The following DVL3 variants were observed in gnomAD, a reference collection of about 807,000 sequenced individuals.
DVL3 encodes segment polarity protein dishevelled homolog DVL-3.
In DVL3, 27 loss-of-function variants were observed where a neutral mutation model predicts 67.4. That is an observed-to-expected ratio of 0.40 (90% CI 0.30 to 0.55). The LOEUF (loss-of-function observed/expected upper bound fraction) is 0.55, where lower values mean the gene tolerates loss of function less well. DVL3 is among the 20% of genes least tolerant of loss of function. The probability of loss-of-function intolerance (pLI) is 0.46; values close to 1 mark genes in which losing one functional copy is unlikely to be tolerated. For synonymous variants in DVL3, 369 were observed against 396.8 expected (o/e 0.93, Z 0.83); for missense variants, 819 against 1,021.5 (o/e 0.80, Z 2.70).
In DVL3 at chr3:184,164,753, G is replaced by A. The variant is rs1287524521; in HGVS notation, c.464-43G>A. 2 of 1,613,624 alleles carry A rather than the reference G, an allele frequency of 1.2e-6. No individual in the cohort carries two copies. The highest frequency in any genetic ancestry group is 1.7e-6 in the Non-Finnish European group (2 of 1,179,724). On this transcript the variant is annotated intron_variant, in intron 4 of 14. Transcript: ENST00000313143. This position sits in a 1 kb window ranked among gnomAD's most constrained non-coding sequence, Gnocchi z 5.3. ...TTGCCTCTCTCCCTCCTTCACCCCT[G>A]CACTGGGCACTGTGTAAACCCAACT...
At chr3:184,161,850 T>C (rs1304590717) in intron 1 of DVL3, among the ~76,000 whole-genome samples, 1 of 152,270 alleles carries the variant, frequency 6.6e-6, no homozygotes. Flanking sequence ...CTACCAGTCC[T>C]GTGACCTTGG....
chr3:184,159,317 T>C (rs1182433222), intron 1 of DVL3, among the ~76,000 whole-genome samples: 1 of 103,190 alleles, frequency 9.7e-6, no homozygotes, highest in Non-Finnish European at 2.1e-5. Context: ...TCCTGTCTTC[T>C]GGGTTGAGCT....
At position 184,166,557 on chromosome 3, in the gene DVL3, G is replaced by C. The variant is rs1025976747; in HGVS notation, c.980+35G>C. 5 of 1,614,050 alleles carry C rather than the reference G, an allele frequency of 3.1e-6. No homozygotes were observed. Among genetic ancestry groups the C allele is most frequent in the Non-Finnish European group, 4.2e-6 (5 of 1,180,014 alleles). On this transcript the variant is annotated intron_variant, in intron 9 of 14. Coordinates refer to ENST00000313143, the MANE Select transcript of DVL3 (RefSeq NM_004423.4). The surrounding 1 kb of genome is among the most constrained non-coding windows in gnomAD (Gnocchi z 6.7). The stretch of plus-strand genomic sequence containing the variant: ...GAATGGGGCACTGGGCAAGGGGCTT[G>C]GTCTGGCCTATACGCATCCTGCCTT...
At position 184,164,629 on chromosome 3, in the gene DVL3, C is replaced by A; in HGVS notation, c.463+28C>A. The A allele has an allele frequency of 6.4e-7, 1 of 1,550,680 alleles. No individual in the cohort carries two copies. On this transcript the variant is annotated intron_variant, in intron 4 of 14. Transcript: ENST00000313143. The surrounding 1 kb of genome is among the most constrained non-coding windows in gnomAD (Gnocchi z 5.3). Reference sequence around the variant, plus strand: ...ATATCTTCCTGAACACGGACACTGTCCGCACCTCACACCCTCCCCTCACTT... The same window carrying A: ...ATATCTTCCTGAACACGGACACTGTACGCACCTCACACCCTCCCCTCACTT...
chr3:184,164,338 A>C lies in DVL3; in HGVS notation c.303A>C (p.Pro101=), dbSNP rs746071512. Residue 101 remains proline, a synonymous_variant, in exon 3 of 15, where the codon CCA becomes CCC. Coordinates refer to ENST00000313143, the MANE Select transcript of DVL3 (RefSeq NM_004423.4). This position sits in a 1 kb window ranked among gnomAD's most constrained non-coding sequence, Gnocchi z 5.3. ...CTGATAACCCATCGGAGCTGCCACCACCTATGGAGCGCACGGGAGGCATCG... is the reference window on the plus strand; with the variant it reads ...CTGATAACCCATCGGAGCTGCCACCCCCTATGGAGCGCACGGGAGGCATCG... ...FCADNPSELP[P]PMERTGGIGD... 6.2e-7 allele frequency: 1 copy of C among 1,613,848 alleles called. No homozygotes were observed. The highest frequency in any genetic ancestry group is 2.2e-5 in the East Asian group (1 of 44,858).
At position 184,170,260 on chromosome 3, in the gene DVL3, C is replaced by T; in HGVS notation, c.1714+39C>T. The T allele has an allele frequency of 6.2e-7, 1 of 1,602,032 alleles. No homozygotes were observed. Among genetic ancestry groups the T allele is most frequent in the East Asian group, 2.3e-5 (1 of 44,438 alleles). On this transcript the variant is annotated intron_variant, in intron 14 of 14. Coordinates refer to ENST00000313143, the MANE Select transcript of DVL3 (RefSeq NM_004423.4). The surrounding 1 kb of genome is among the most constrained non-coding windows in gnomAD (Gnocchi z 6.5). ...GCCGTGGAGGAAGGCTATAGGTGGG[C>T]CCCAGGCTTCCCCCGCCCGCTCAGC...
intron 1 of DVL3, among the ~76,000 whole-genome samples, chr3:184,161,594 C>T (rs1459192078): frequency 2.0e-5 from 3 of 152,014 alleles, no homozygotes; most frequent in African/African-American, 7.2e-5. Context: ...CAAACTTTTC[C>T]ACTCCCCTTC....
In DVL3 at chr3:184,164,570, G is replaced by A. The variant is rs773790865; in HGVS notation, c.432G>A (p.Glu144=). ...ETDSLVSAQR[E]RPRRRDGPEH... ...ACTCTTTGGTGTCTGCCCAGCGAGA[G>A]CGGCCACGCCGGAGGGATGGCCCAG... The change falls in exon 4 of 15, where the codon GAG becomes GAA. Residue 144 remains glutamate, a synonymous_variant. Coordinates refer to ENST00000313143, the MANE Select transcript of DVL3 (RefSeq NM_004423.4). The surrounding 1 kb of genome is among the most constrained non-coding windows in gnomAD (Gnocchi z 5.3). The A allele has an allele frequency of 6.4e-7, 1 of 1,567,554 alleles. No individual in the cohort carries two copies. Among genetic ancestry groups the A allele is most frequent in the South Asian group, 1.2e-5 (1 of 83,288 alleles).
Position 184,166,813 on chromosome 3 carries a change from A to T in DVL3, c.1049-13A>T, listed in dbSNP as rs369767943. ...TGGGGTGGGTAGCCCATGACTCCTCATCCTCCCTGCAGGCGAGCCCATCCG... is the reference window on the plus strand; with the variant it reads ...TGGGGTGGGTAGCCCATGACTCCTCTTCCTCCCTGCAGGCGAGCCCATCCG... On this transcript the variant is annotated splice_polypyrimidine_tract_variant and intron_variant, in intron 10 of 14. Transcript: ENST00000313143. This position sits in a 1 kb window ranked among gnomAD's most constrained non-coding sequence, Gnocchi z 6.7. The T allele has an allele frequency of 5.0e-6, 8 of 1,613,500 alleles. No homozygotes were observed. Among genetic ancestry groups the T allele is most frequent in the Non-Finnish European group, 6.8e-6 (8 of 1,179,866 alleles).
At position 184,166,174 on chromosome 3, in the gene DVL3, G is replaced by T; in HGVS notation, c.812G>T (p.Arg271Leu). 1 of 1,613,720 alleles carries T rather than the reference G, an allele frequency of 6.2e-7. No homozygotes were observed. Among genetic ancestry groups the T allele is most frequent in the Non-Finnish European group, 8.5e-7 (1 of 1,179,928 alleles). The change falls in exon 8 of 15, where the codon CGT becomes CTT. Residue 271 changes from arginine to leucine, a missense_variant. This residue lies in a region of DVL3 where 385 missense variants were observed against 486.8 expected (regional missense o/e 0.79). Transcript: ENST00000313143. This position sits in a 1 kb window ranked among gnomAD's most constrained non-coding sequence, Gnocchi z 6.7. ...TCCATTGTGGGCCAAAGCAACGAGC[G>T]TGGTGACGGCGGCATCTACATTGGC... ...GISIVGQSNERGDGGIYIGSI... is the reference protein window; with the variant it reads ...GISIVGQSNELGDGGIYIGSI...
chr3:184,164,847 G>C lies in DVL3; in HGVS notation c.515G>C (p.Gly172Ala), dbSNP rs1282614318. Residue 172 changes from glycine to alanine, a missense_variant, in exon 5 of 15, where the codon GGT (glycine) becomes GCT (alanine). Around this residue, in one of 3 missense-constraint regions of DVL3, gnomAD observed 385 missense variants for 486.8 expected, o/e 0.79. Transcript: ENST00000313143. This position sits in a 1 kb window ranked among gnomAD's most constrained non-coding sequence, Gnocchi z 5.3. ...GGGGAACGGCGGCGAGAACCAGGGG[G>C]TTATGATAGCTCATCCACCCTTATG... is the stretch of plus-strand genomic sequence containing the variant. ...AKGERRREPG[G>A]YDSSSTLMSS... is the part of the protein sequence containing the mutation. 1.9e-6 allele frequency: 3 copies of C among 1,614,188 alleles called. No individual in the cohort carries two copies. Among genetic ancestry groups the C allele is most frequent in the East Asian group, 4.5e-5 (2 of 44,866 alleles).
Position 184,165,426 on chromosome 3 carries a change from C to T in DVL3, c.698C>T (p.Ser233Leu), listed in dbSNP as rs763604484. ...CAGGGCCTCTGTCTATTCCAGTCCT[C>T]GTCCTTCAGCAGCATCACGGACTCC... is the stretch of plus-strand genomic sequence containing the variant. ...KQKVSRIERSSSFSSITDSTM... is the reference protein window; with the variant it reads ...KQKVSRIERSLSFSSITDSTM... The change falls in exon 7 of 15, where the codon TCG (serine) becomes TTG (leucine). Residue 233 changes from serine (S) to leucine (L), a missense_variant. By Grantham distance (145) the Ser-to-Leu change is moderately radical. Transcript: ENST00000313143. The surrounding 1 kb of genome is among the most constrained non-coding windows in gnomAD (Gnocchi z 4.1). 20 of 1,613,838 alleles carry T rather than the reference C, an allele frequency of 1.2e-5. No individual in the cohort carries two copies. The Admixed American group carries it at 1.5e-4, about 12-fold the overall frequency.
Position 184,166,726 on chromosome 3 carries a change from TG to T in DVL3, c.1048+54del. On this transcript the variant is annotated intron_variant, in intron 10 of 14. Transcript: ENST00000313143. The surrounding 1 kb of genome is among the most constrained non-coding windows in gnomAD (Gnocchi z 6.7). Reference sequence around the variant, plus strand: ...AGCTGGTGCTTACATACATGAGCACTGTCTCTCCTTTCTTCTCTCACCCAGA... The same window carrying T: ...AGCTGGTGCTTACATACATGAGCACTTCTCTCCTTTCTTCTCTCACCCAGA... 6.2e-7 allele frequency: 1 copy of T among 1,611,926 alleles called. No individual in the cohort carries two copies. Among genetic ancestry groups the T allele is most frequent in the Non-Finnish European group, 8.5e-7 (1 of 1,178,730 alleles).
intron 13 of DVL3, among the ~76,000 whole-genome samples, chr3:184,168,325 C>T (rs1714672841): frequency 6.6e-6 from 1 of 152,240 alleles, no homozygotes; most frequent in African/African-American, 2.4e-5. Context: ...CATCATCTTA[C>T]TCAATATTCA....
At chr3:184,168,219 C>A (rs931030753) in intron 13 of DVL3, among the ~76,000 whole-genome samples, 154 bp downstream of exon 13, 5 of 152,178 alleles carry the variant, frequency 3.3e-5, no homozygotes, top group Admixed American at 2.0e-4. Flanking sequence ...GAAGAAGAGT[C>A]CAGTTTAGCC....
At chr3:184,160,608 C>A (rs1714347371) in intron 1 of DVL3, among the ~76,000 whole-genome samples, 1 of 152,070 alleles carries the variant, frequency 6.6e-6, no homozygotes, top group South Asian at 2.1e-4. Context: ...TAAGACCTGT[C>A]TGAGGTTCCC....
intron 1 of DVL3, among the ~76,000 whole-genome samples, chr3:184,159,846 C>G (rs1274308452): frequency 6.6e-6 from 1 of 152,188 alleles, no homozygotes; most frequent in Non-Finnish European, 1.5e-5. Flanking sequence ...CATGAGAAAA[C>G]CTACAATAGC....
rs376546712 is a variant in DVL3, at chr3:184,166,811, T to C, written c.1049-15T>C. On this transcript the variant is annotated splice_polypyrimidine_tract_variant and intron_variant, in intron 10 of 14. Transcript: ENST00000313143. The surrounding 1 kb of genome is among the most constrained non-coding windows in gnomAD (Gnocchi z 6.7). ...GGTGGGGTGGGTAGCCCATGACTCC[T>C]CATCCTCCCTGCAGGCGAGCCCATC... 14 of 1,613,728 alleles carry C rather than the reference T, an allele frequency of 8.7e-6. No individual in the cohort carries two copies. Among genetic ancestry groups the C allele is most frequent in the Non-Finnish European group, 1.2e-5 (14 of 1,179,882 alleles).
In DVL3 at chr3:184,170,090, G is replaced by T. The variant is rs999656189; in HGVS notation, c.1583G>T (p.Gly528Val). ...ACACTGGCCCCTTTGCCGCACCCGG[G>T]GGCCGCCCCTTGGCCCATGGCTTTC... ...QDTLAPLPHP[G>V]AAPWPMAFPY... Residue 528 changes from glycine (G) to valine (V), a missense_variant, in exon 14 of 15, where the codon GGG (glycine) becomes GTG (valine). Gly to Val is a moderately radical substitution (Grantham distance 109). Around this residue, in one of 3 missense-constraint regions of DVL3, gnomAD observed 324 missense variants for 331.3 expected, o/e 0.98. Transcript: ENST00000313143. This position sits in a 1 kb window ranked among gnomAD's most constrained non-coding sequence, Gnocchi z 6.5. 2 of 1,613,972 alleles carry T rather than the reference G, an allele frequency of 1.2e-6. No homozygotes were observed. The highest frequency in any genetic ancestry group is 1.3e-5 in the African/African-American group (1 of 75,044).
Sources: gnomAD v4.1 joint callset for allele counts (sites outside exome capture counted in the v4.1 genomes callset) on GRCh38, gnomAD v4.1.1 for gene constraint, gnomAD v4.1.1 regional missense constraint, Gnocchi (gnomAD v3.1) non-coding constraint, MANE v1.5 for transcripts, NCBI Gene and HGNC (gene_info 2026-07-23, HGNC 2026-07-21) for gene names.